Variants in SOCS7 observed in about 807,000 individuals in gnomAD.
SOCS7 encodes suppressor of cytokine signaling 7, also known as NAP-4.
SOCS7 carries 18 observed loss-of-function variants against 58.9 expected under a neutral mutation model. The ratio of observed to expected loss-of-function variants is 0.31; its 90% CI spans 0.21 to 0.45. The LOEUF (loss-of-function observed/expected upper bound fraction) is 0.45, where lower values mean the gene tolerates loss of function less well. SOCS7 is among the 20% of genes least tolerant of loss of function. The pLI is 1.00. For missense variants in SOCS7, 667 were observed against 837.3 expected, an observed-to-expected ratio of 0.80 and a Z score of 2.51; for synonymous variants, 388 against 364.3, an observed-to-expected ratio of 1.06 and a Z score of -0.74.
At chr17:38,370,261 G>A (rs1229275418) in intron 6 of SOCS7, among the ~76,000 whole-genome samples, 1 of 152,212 alleles carries the variant, frequency 6.6e-6, no homozygotes, top group Admixed American at 6.5e-5. Flanking sequence ...GCTTCCCAAA[G>A]TGCTGGGATG....
At chr17:38,398,259 T>G (rs1310297903) in intron 9 of SOCS7, among the ~76,000 whole-genome samples, 1 of 150,226 alleles carries the variant, frequency 6.7e-6, no homozygotes, top group Non-Finnish European at 1.5e-5. Flanking sequence ...TTTTTTTTTT[T>G]GAGATGGAGT....
intron 1 of SOCS7, among the ~76,000 whole-genome samples, 165 bp downstream of exon 1, chr17:38,353,197 G>T (rs576823390): frequency 6.6e-6 from 1 of 152,220 alleles, no homozygotes; most frequent in Admixed American, 6.5e-5. Context: ...AGCGCTAATT[G>T]TGGAAACAGC....
chr17:38,380,919 G>A (rs557911299), intron 7 of SOCS7, among the ~76,000 whole-genome samples: 1 of 152,258 alleles, frequency 6.6e-6, no homozygotes, highest in South Asian at 2.1e-4. Flanking sequence ...CATTTTGCCA[G>A]TGAGGAAACT....
chr17:38,353,247 G>C (rs917665598), intron 1 of SOCS7, among the ~76,000 whole-genome samples: 13 of 152,150 alleles, frequency 8.5e-5, no homozygotes, highest in Non-Finnish European at 1.8e-4. Flanking sequence ...ACACTTCTCA[G>C]CTGGTTTGCA....
chr17:38,367,239 A>G (rs978063247), intron 5 of SOCS7, among the ~76,000 whole-genome samples: 8 of 151,744 alleles, frequency 5.3e-5, no homozygotes, highest in African/African-American at 1.9e-4. Context: ...TAATTACTGT[A>G]TTTTTAGTAG....
In SOCS7 at chr17:38,377,939, T is replaced by A; in HGVS notation, c.1681+97T>A. The stretch of plus-strand genomic sequence containing the variant: ...CCCCACAAAAGGCCATGGTTAAGCT[T>A]TTTTTCCCTGGCTGTTGGAGCCACC... On this transcript the variant is annotated intron_variant, in intron 7 of 9. Coordinates refer to ENST00000612932, the MANE Select transcript of SOCS7 (RefSeq NM_014598.4). 4 of 1,226,004 alleles carry A rather than the reference T, an allele frequency of 3.3e-6. No homozygotes were observed. The South Asian group carries it at 5.9e-5, about 18-fold the overall frequency. The allele number at this position is 1,226,004 out of a possible 1,614,324, so 75.9% of individuals were successfully genotyped here. A position where few individuals can be genotyped will look rare whatever the true frequency, so the allele number is the denominator to read the frequency against.
At chr17:38,356,393 G>A (rs1022061722) in intron 1 of SOCS7, among the ~76,000 whole-genome samples, 1 of 150,564 alleles carries the variant, frequency 6.6e-6, no homozygotes, top group Non-Finnish European at 1.5e-5. Context: ...TTTTGGGGCC[G>A]GGGGGATGGA....
intron 1 of SOCS7, among the ~76,000 whole-genome samples, chr17:38,354,798 G>A (rs943254158): frequency 2.6e-5 from 4 of 152,206 alleles, no homozygotes; most frequent in African/African-American, 7.2e-5. Context: ...GTTCCATATT[G>A]ACCAGGAGTT....
At chr17:38,360,213 T>TG (rs1047986195) in intron 1 of SOCS7, among the ~76,000 whole-genome samples, 41 of 151,316 alleles carry the variant, frequency 2.7e-4, no homozygotes, top group African/African-American at 9.7e-4. Context: ...TTTTTTTTTT[T>TG]GGGGATGGAG....
chr17:38,369,402 G>A (rs112256171), intron 6 of SOCS7, among the ~76,000 whole-genome samples: 7 of 152,240 alleles, frequency 4.6e-5, no homozygotes, highest in East Asian at 1.9e-4. Context: ...GAGATAACAC[G>A]AAGAGAAAGG....
intron 6 of SOCS7, among the ~76,000 whole-genome samples, 180 bp downstream of exon 6, chr17:38,368,230 A>G (rs2037817154): frequency 6.6e-6 from 1 of 152,326 alleles, no homozygotes; most frequent in East Asian, 1.9e-4. Context: ...TGGAGGGGGT[A>G]GGGAAGGGAG....
At chr17:38,381,146 G>A (rs1409392225) in intron 7 of SOCS7, among the ~76,000 whole-genome samples, 1 of 152,086 alleles carries the variant, frequency 6.6e-6, no homozygotes, top group Non-Finnish European at 1.5e-5. Flanking sequence ...GGGCAGGAGG[G>A]TGCACATGCT....
intron 8 of SOCS7, 54 bp from the exon 9 acceptor site, chr17:38,395,794 T>G: frequency 6.4e-7 from 1 of 1,569,294 alleles, no homozygotes. Flanking sequence ...GAGTTACTTC[T>G]TTTATATTTT....
At chr17:38,353,167 G>A (rs1253689247) in intron 1 of SOCS7, 135 bp downstream of exon 1, 1 of 796,854 alleles carries the variant, frequency 1.3e-6, no homozygotes, top group Non-Finnish European at 1.9e-6. Flanking sequence ...ACCAAAGGTG[G>A]TAACATCTCG....
intron 9 of SOCS7, among the ~76,000 whole-genome samples, chr17:38,397,587 C>A (rs917583205): frequency 6.6e-6 from 1 of 152,220 alleles, no homozygotes; most frequent in South Asian, 2.1e-4. Flanking sequence ...TCCAACTTTA[C>A]AAGAACCTTT....
intron 7 of SOCS7, among the ~76,000 whole-genome samples, chr17:38,387,096 A>ATATATATAT (rs1476617496): frequency 1.1e-5 from 1 of 91,812 alleles, no homozygotes; most frequent in African/African-American, 7.0e-5. Flanking sequence ...AAAAAAAAAA[A>ATATATATAT]AAAAAAATAT....
In SOCS7 at chr17:38,405,158, A is replaced by G. The variant is rs1459236231; in HGVS notation, c.*5676A>G. On this transcript the variant is annotated 3_prime_UTR_variant, in exon 10 of 10. Transcript: ENST00000612932. ...AATAGTTGCTGTATAATTTATTTTC[A>G]TAAACTATAAAAAAATACTAAATGG... 1 of 152,034 alleles carries G rather than the reference A, an allele frequency of 6.6e-6. No individual in the cohort carries two copies. The highest frequency in any genetic ancestry group is 1.5e-5 in the Non-Finnish European group (1 of 68,036). 9.4% of individuals were successfully genotyped at this position (152,034 alleles called of 1,614,324 possible). A position where few individuals can be genotyped will look rare whatever the true frequency, so the allele number is the denominator to read the frequency against.
intron 1 of SOCS7, among the ~76,000 whole-genome samples, chr17:38,356,784 A>G (rs113545666): frequency 4.9e-4 from 74 of 152,252 alleles, no homozygotes; most frequent in African/African-American, 1.7e-3. Flanking sequence ...TGGAATTCAA[A>G]GAGCTGGGCT....
At chr17:38,365,916 C>T in intron 4 of SOCS7, 1 of 945,352 alleles carries the variant, frequency 1.1e-6, no homozygotes, top group Non-Finnish European at 1.3e-6. Flanking sequence ...ATTACTCTTC[C>T]TGGGCAAGTA....
Sources: allele counts gnomAD v4.1 joint callset (sites outside exome capture counted in the v4.1 genomes callset), GRCh38; gene constraint gnomAD v4.1.1; transcripts MANE v1.5; gene names NCBI Gene and HGNC (gene_info 2026-07-23, HGNC 2026-07-21).